The following NACC2 variants were observed in gnomAD, a reference collection of about 807,000 sequenced individuals.
NACC2 encodes nucleus accumbens-associated protein 2.
Under a neutral mutation model 25.1 loss-of-function variants are expected in NACC2, and 8 were observed. The observed-to-expected ratio is 0.32, with a 90% CI of 0.19 to 0.57. NACC2 has a LOEUF of 0.57. Ranked by LOEUF, NACC2 falls within the 20% of genes least tolerant of loss-of-function variation. The pLI, the probability that NACC2 is intolerant of heterozygous loss-of-function variation, is 0.89. For synonymous variants in NACC2, 435 were observed against 294.7 expected, an observed-to-expected ratio of 1.48 and a Z score of -4.88; for missense variants, 644 against 650.2, an observed-to-expected ratio of 0.99 and a Z score of 0.10.
chr9:136,077,265 G>T (rs915624367), intron 1 of NACC2, among the ~76,000 whole-genome samples: 2 of 152,168 alleles, frequency 1.3e-5, no homozygotes, highest in Non-Finnish European at 2.9e-5. Flanking sequence ...CGGAGGTGGA[G>T]GTTGCAGTGA....
intron 1 of NACC2, among the ~76,000 whole-genome samples, chr9:136,083,584 C>A (rs1239591911): frequency 6.6e-6 from 1 of 152,244 alleles, no homozygotes; most frequent in Admixed American, 6.5e-5. Flanking sequence ...ACGCGGACAC[C>A]TGTGAAGAGC....
intron 2 of NACC2, among the ~76,000 whole-genome samples, chr9:136,033,074 G>T (rs569990452): frequency 5.3e-5 from 8 of 151,982 alleles, no homozygotes; most frequent in Non-Finnish European, 1.0e-4. Flanking sequence ...TACTTGGGAG[G>T]CTGAGGTAGG....
chr9:136,045,825 C>T (rs1167011953), intron 2 of NACC2, among the ~76,000 whole-genome samples: 1 of 152,172 alleles, frequency 6.6e-6, no homozygotes, highest in Admixed American at 6.5e-5. Flanking sequence ...GTTGCAGGGA[C>T]CTGTGGATCC....
At position 136,050,495 on chromosome 9, in the gene NACC2, G is replaced by A; in HGVS notation, c.27C>T (p.Ile9=). 5.2e-6 allele frequency: 4 copies of A among 764,318 alleles called. No individual in the cohort carries two copies. Among genetic ancestry groups the A allele is most frequent in the South Asian group, 4.0e-5 (3 of 74,418 alleles). The allele number at this position is 764,318 out of a possible 1,614,324, so 47.3% of individuals were successfully genotyped here. Residue 9 remains isoleucine (I), a synonymous_variant, in exon 2 of 6, where the codon ATC becomes ATT. Transcript: ENST00000277554. ...CCAGCACTGTGTTCCCGAAGTTGGG[G>A]ATCTCGATGTGCAGCATCTGAGACA... The part of the protein sequence containing the change: MSQMLHIE[I]PNFGNTVLGC...
chr9:136,061,666 G>A (rs1232899407), intron 1 of NACC2, among the ~76,000 whole-genome samples: 1 of 152,196 alleles, frequency 6.6e-6, no homozygotes. Context: ...ACGGCCAGGT[G>A]GCAACATCCT....
intron 1 of NACC2, among the ~76,000 whole-genome samples, chr9:136,070,335 G>A (rs1309481776): frequency 2.0e-5 from 3 of 150,910 alleles, no homozygotes; most frequent in Non-Finnish European, 2.9e-5. Flanking sequence ...GTGAAACCCC[G>A]TCTCTACTAA....
chr9:136,009,081 G>A lies in NACC2; in HGVS notation c.*2435C>T, dbSNP rs1467152056. 1.3e-5 allele frequency: 2 copies of A among 152,466 alleles called. No homozygotes were observed. Among genetic ancestry groups the A allele is most frequent in the African/African-American group, 4.8e-5 (2 of 41,452 alleles). The allele number at this position is 152,466 out of a possible 1,614,324, so 9.4% of individuals were successfully genotyped here. Reference sequence around the variant, plus strand: ...TCCCTGTCCTGGCCAAGGGTGGGGGGGCACCCACTTTGGAGTGGAGGGCAG... The same window carrying A: ...TCCCTGTCCTGGCCAAGGGTGGGGGAGCACCCACTTTGGAGTGGAGGGCAG... On this transcript the variant is annotated 3_prime_UTR_variant, in exon 6 of 6. Transcript: ENST00000277554.
At position 136,077,918 on chromosome 9, in the gene NACC2, C is replaced by T. The variant is rs576865710; in HGVS notation, c.-60+17271G>A. 2.3e-3 allele frequency among the ~76,000 whole-genome samples: 345 copies of T among 152,280 alleles called. 2 individuals carry two copies. The highest frequency in any genetic ancestry group is 7.5e-3 in the African/African-American group (313 of 41,566). On this transcript the variant is annotated intron_variant, in intron 1 of 5. Transcript: ENST00000277554. ...ACCACGTAAATAATATCAGTCCAAT[C>T]ATAGTTTTGTTTTGGGTTTTTTTGT... is the stretch of plus-strand genomic sequence containing the variant.
At chr9:136,042,777 G>GAC (rs1440936708) in intron 2 of NACC2, among the ~76,000 whole-genome samples, 11 of 122,336 alleles carry the variant, frequency 9.0e-5, no homozygotes, top group South Asian at 2.8e-4. Context: ...GAGACACACA[G>GAC]ACACACACAC....
Position 136,009,301 on chromosome 9 carries a change from G to A in NACC2, c.*2215C>T, listed in dbSNP as rs1447762508. ...GTCCAGGTTCCCAGCGGGCCCCATG[G>A]GGGCTCCAACCCCACCTGTGCCCAA... On this transcript the variant is annotated 3_prime_UTR_variant, in exon 6 of 6. Transcript: ENST00000277554. 6.6e-6 allele frequency: 1 copy of A among 152,308 alleles called. No individual in the cohort carries two copies. The highest frequency in any genetic ancestry group is 2.4e-5 in the African/African-American group (1 of 41,450). The allele number at this position is 152,308 out of a possible 1,614,324, so 9.4% of individuals were successfully genotyped here.
At chr9:136,053,161 C>T (rs1177649731) in intron 1 of NACC2, among the ~76,000 whole-genome samples, 1 of 152,332 alleles carries the variant, frequency 6.6e-6, no homozygotes, top group African/African-American at 2.4e-5. Flanking sequence ...GGAGGCAAGG[C>T]GACACAGCCC....
intron 1 of NACC2, among the ~76,000 whole-genome samples, chr9:136,063,405 A>T (rs1019426171): frequency 6.6e-6 from 1 of 152,180 alleles, no homozygotes; most frequent in Non-Finnish European, 1.5e-5. Context: ...GGTCACGTAC[A>T]TTGCAGAAGC....
intron 2 of NACC2, among the ~76,000 whole-genome samples, chr9:136,046,380 A>G (rs1840725245): frequency 6.6e-6 from 1 of 151,900 alleles, no homozygotes; most frequent in African/African-American, 2.4e-5. Flanking sequence ...CCCTGGGTGC[A>G]CCCCACCCCC....
At chr9:136,047,227 C>A (rs921805058) in intron 2 of NACC2, among the ~76,000 whole-genome samples, 1 of 152,154 alleles carries the variant, frequency 6.6e-6, no homozygotes, top group African/African-American at 2.4e-5. Flanking sequence ...ACGGAGGGCA[C>A]GGGGAGCTAG....
chr9:136,087,255 A>T (rs1830388644), intron 1 of NACC2, among the ~76,000 whole-genome samples: 1 of 152,212 alleles, frequency 6.6e-6, no homozygotes, highest in Admixed American at 6.5e-5. Flanking sequence ...GGGCCTGCAG[A>T]ACTGGGACAG....
rs1564213070 is a variant in NACC2, at chr9:136,007,551, A to ACG, written c.*3964_*3965insCG. 2.1e-5 allele frequency: 3 copies of ACG among 144,440 alleles called. No individual in the cohort carries two copies. The highest frequency in any genetic ancestry group is 4.5e-5 in the Non-Finnish European group (3 of 66,578). The allele number at this position is 144,440 out of a possible 1,614,324, so 8.9% of individuals were successfully genotyped here. On this transcript the variant is annotated 3_prime_UTR_variant, in exon 6 of 6. Coordinates refer to ENST00000277554, the MANE Select transcript of NACC2 (RefSeq NM_144653.5). ...CACAGACGTGCACACACAGACACGC[A>ACG]CACACACACAGACACGCGCACACGC...
intron 1 of NACC2, among the ~76,000 whole-genome samples, chr9:136,079,551 T>C (rs1167044700): frequency 6.6e-6 from 1 of 152,080 alleles, no homozygotes; most frequent in Non-Finnish European, 1.5e-5. Context: ...CTGCTGAGAA[T>C]GACACGAAGG....
rs992328339 is a variant in NACC2 at position 136,039,220 on chromosome 9, A to T, written c.886+10416T>A. 2.6e-5 allele frequency among the ~76,000 whole-genome samples: 4 copies of T among 152,354 alleles called. No individual in the cohort carries two copies. The South Asian group carries it at 8.3e-4, about 32-fold the overall frequency. ...CAGAGATGGATAAATGACATGAAAG[A>T]CCATTACCATGACTAGAACAAGATG... On this transcript the variant is annotated intron_variant, in intron 2 of 5. Transcript: ENST00000277554.
intron 2 of NACC2, among the ~76,000 whole-genome samples, chr9:136,046,742 T>C (rs1243971735): frequency 6.6e-6 from 1 of 152,178 alleles, no homozygotes; most frequent in Non-Finnish European, 1.5e-5. Context: ...GGCGGCTCCT[T>C]CTGACGGGTG....
Sources: allele counts gnomAD v4.1 joint callset (sites outside exome capture counted in the v4.1 genomes callset), GRCh38; gene constraint gnomAD v4.1.1; transcripts MANE v1.5; gene names NCBI Gene and HGNC (gene_info 2026-07-23, HGNC 2026-07-21).